The following CACNA2D3 variants were observed in gnomAD, a reference collection of about 807,000 sequenced individuals.
The protein encoded by CACNA2D3 is voltage-dependent calcium channel subunit alpha-2/delta-3.
A neutral mutation model predicts 160.6 loss-of-function variants in CACNA2D3; 60 were observed. The ratio of observed to expected loss-of-function variants is 0.37; its 90% CI spans 0.30 to 0.46. The LOEUF is 0.46. Ranked by LOEUF, CACNA2D3 falls within the 20% of genes least tolerant of loss-of-function variation. The pLI is 1.00. For synonymous variants in CACNA2D3, 558 were observed against 492.9 expected (o/e 1.13, Z -1.75); for missense variants, 1,205 against 1,365.0 (o/e 0.88, Z 1.85).
At chr3:54,748,603 A>G (rs1297092071) in intron 11 of CACNA2D3, among the ~76,000 whole-genome samples, 1 of 151,880 alleles carries the variant, frequency 6.6e-6, no homozygotes, top group East Asian at 1.9e-4. Context: ...TTTGAGCTGC[A>G]TTAATGAAAG....
chr3:54,149,976 TCTTC>T (rs1431957677), intron 2 of CACNA2D3, among the ~76,000 whole-genome samples: 6 of 108,512 alleles, frequency 5.5e-5, no homozygotes, highest in African/African-American at 7.3e-5. Flanking sequence ...CCCCCTTCCT[TCTTC>T]CCTCCCCTCC....
chr3:54,437,141 A>G (rs1025726357), intron 4 of CACNA2D3, among the ~76,000 whole-genome samples: 5 of 152,152 alleles, frequency 3.3e-5, no homozygotes, highest in African/African-American at 1.2e-4. Context: ...CAAAATGGGT[A>G]GTATTGGCTT....
At chr3:54,523,158 T>C (rs986533622) in intron 5 of CACNA2D3, among the ~76,000 whole-genome samples, 9 of 152,298 alleles carry the variant, frequency 5.9e-5, no homozygotes, top group Admixed American at 2.6e-4. Flanking sequence ...CACCATTAAG[T>C]GGGATGTTAT....
In CACNA2D3 at chr3:54,899,784, A is replaced by C. The variant is rs1700284538; in HGVS notation, c.2369-4A>C. On this transcript the variant is annotated splice_polypyrimidine_tract_variant and splice_region_variant and intron_variant, in intron 26 of 37. Coordinates refer to ENST00000474759, the MANE Select transcript of CACNA2D3 (RefSeq NM_018398.3). Reference sequence around the variant, plus strand: ...TTTTGTTGTGGTGTTTTTTCTTTTCACAGGACCAGTCAATAAAAGCAATGT... The same window carrying C: ...TTTTGTTGTGGTGTTTTTTCTTTTCCCAGGACCAGTCAATAAAAGCAATGT... 6.2e-7 allele frequency: 1 copy of C among 1,602,608 alleles called. No homozygotes were observed. The highest frequency in any genetic ancestry group is 2.2e-5 in the East Asian group (1 of 44,640).
intron 11 of CACNA2D3, among the ~76,000 whole-genome samples, chr3:54,650,304 T>C (rs1559539215): frequency 6.6e-6 from 1 of 152,076 alleles, no homozygotes; most frequent in Non-Finnish European, 1.5e-5. Flanking sequence ...GTTCAAGTGG[T>C]TACTCATGCC....
chr3:54,887,836 C>T, intron 23 of CACNA2D3, 123 bp from the exon 24 acceptor site: 1 of 724,454 alleles, frequency 1.4e-6, no homozygotes, highest in Non-Finnish European at 2.4e-6. Flanking sequence ...GGGAACTTAA[C>T]TCATAAAGCA....
intron 4 of CACNA2D3, among the ~76,000 whole-genome samples, chr3:54,415,441 A>C (rs1166110253): frequency 1.3e-5 from 2 of 152,170 alleles, no homozygotes; most frequent in African/African-American, 2.4e-5. Context: ...TTCTACTTTC[A>C]AGTTATTTTT....
In CACNA2D3 at chr3:54,464,119, C is replaced by T. The variant is rs1028536782; in HGVS notation, c.382-39373C>T. ...TGAACCACGAATGCTGCTGTCTGAT[C>T]GTTCCTCTGGAAGTTTTGTCTCAGA... On this transcript the variant is annotated intron_variant, in intron 4 of 37. Transcript: ENST00000474759. 8.5e-5 allele frequency among the ~76,000 whole-genome samples: 13 copies of T among 152,164 alleles called. 1 individual carries two copies. In the South Asian group the frequency reaches 1.7e-3, roughly 19 times the overall value.
chr3:55,052,622 C>T (rs1704255128), intron 35 of CACNA2D3, among the ~76,000 whole-genome samples: 1 of 152,068 alleles, frequency 6.6e-6, no homozygotes, highest in African/African-American at 2.4e-5. Flanking sequence ...GTTTATTTCT[C>T]TTTCAATGTG....
chr3:54,291,010 A>G (rs1477003123), intron 2 of CACNA2D3, among the ~76,000 whole-genome samples: 1 of 152,222 alleles, frequency 6.6e-6, no homozygotes, highest in African/African-American at 2.4e-5. Context: ...ATACATATGT[A>G]ACAACCCTGC....
chr3:54,658,428 C>A (rs1699911558), intron 11 of CACNA2D3, among the ~76,000 whole-genome samples: 1 of 152,142 alleles, frequency 6.6e-6, no homozygotes, highest in Non-Finnish European at 1.5e-5. Context: ...TGATGATGAA[C>A]AATGTTGAGC....
intron 3 of CACNA2D3, among the ~76,000 whole-genome samples, chr3:54,360,570 C>A (rs1698724827): frequency 6.6e-6 from 1 of 152,120 alleles, no homozygotes; most frequent in Admixed American, 6.6e-5. Flanking sequence ...CTTAAGCTAT[C>A]AATCGTTACC....
intron 2 of CACNA2D3, among the ~76,000 whole-genome samples, chr3:54,306,701 G>A (rs912127659): frequency 3.9e-5 from 6 of 152,190 alleles, no homozygotes; most frequent in African/African-American, 1.4e-4. Flanking sequence ...CACACCTCAC[G>A]AGGGAGATCG....
intron 5 of CACNA2D3, among the ~76,000 whole-genome samples, chr3:54,543,878 G>A (rs369052708): frequency 1.3e-5 from 2 of 152,222 alleles, no homozygotes; most frequent in South Asian, 2.1e-4. Flanking sequence ...TGTTGTTTTT[G>A]CTAATAGTTT....
At chr3:54,611,948 T>A (rs1698756888) in intron 9 of CACNA2D3, among the ~76,000 whole-genome samples, 1 of 152,208 alleles carries the variant, frequency 6.6e-6, no homozygotes, top group Non-Finnish European at 1.5e-5. Flanking sequence ...TTATTCCTGG[T>A]GCTGTACACA....
At chr3:54,430,662 C>T (rs1433150814) in intron 4 of CACNA2D3, among the ~76,000 whole-genome samples, 1 of 152,198 alleles carries the variant, frequency 6.6e-6, no homozygotes, top group Non-Finnish European at 1.5e-5. Context: ...CACTTGTATC[C>T]ATGAGTCTCT....
intron 4 of CACNA2D3, among the ~76,000 whole-genome samples, chr3:54,465,319 G>T (rs1700601091): frequency 6.6e-6 from 1 of 151,502 alleles, no homozygotes. Flanking sequence ...CATTATTTTT[G>T]AATTTGAGGG....
chr3:54,548,819 A>C (rs1702107398), intron 5 of CACNA2D3, among the ~76,000 whole-genome samples: 1 of 152,196 alleles, frequency 6.6e-6, no homozygotes, highest in Non-Finnish European at 1.5e-5. Flanking sequence ...CCGACTTCAA[A>C]TTCCCACTGT....
chr3:54,318,385 CG>C (rs1231644890), intron 2 of CACNA2D3, among the ~76,000 whole-genome samples: 1 of 151,884 alleles, frequency 6.6e-6, no homozygotes, highest in African/African-American at 2.4e-5. Context: ...TTTCAGGGAG[CG>C]GGGGGAAACA....
Sources: gnomAD v4.1 joint callset for allele counts (sites outside exome capture counted in the v4.1 genomes callset) on GRCh38, gnomAD v4.1.1 for gene constraint, MANE v1.5 for transcripts, NCBI Gene and HGNC (gene_info 2026-07-23, HGNC 2026-07-21) for gene names.